The following LUZP2 variants were observed in gnomAD, a reference collection of about 807,000 sequenced individuals.
LUZP2 encodes the protein leucine zipper protein 2.
LUZP2 carries 52 observed loss-of-function variants against 51.6 expected under a neutral mutation model. The ratio of observed to expected loss-of-function variants is 1.01; its 90% CI spans 0.81 to 1.27. LUZP2 has a LOEUF of 1.27. Ranked by LOEUF, LUZP2 falls within the 50% of genes most tolerant of loss-of-function variation. The probability of loss-of-function intolerance (pLI) is 0.00; values close to 1 mark genes in which losing one functional copy is unlikely to be tolerated. For missense variants in LUZP2, 436 were observed against 395.4 expected, an observed-to-expected ratio of 1.10 and a Z score of -0.87; for synonymous variants, 154 against 137.3, an observed-to-expected ratio of 1.12 and a Z score of -0.85.
chr11:24,724,537 C>A (rs1858401991), intron 1 of LUZP2, among the ~76,000 whole-genome samples: 2 of 152,120 alleles, frequency 1.3e-5, no homozygotes, highest in Admixed American at 1.3e-4. Flanking sequence ...TGCCACTGTA[C>A]TCCAGCCTGG....
rs1163708322 is a variant in LUZP2 at position 25,062,587 on chromosome 11, C to CAAAA, written c.858+12480_858+12483dup. ...CCTATGTGACAGAGCAAGACCCTGT[C>CAAAA]AAAAAAAAAAAAAAAAAAAAAAAAA... is the stretch of plus-strand genomic sequence containing the variant. On this transcript the variant is annotated intron_variant, in intron 10 of 11. Transcript: ENST00000336930. 9.8e-4 allele frequency among the ~76,000 whole-genome samples: 42 copies of CAAAA among 43,062 alleles called. 5 individuals carry two copies. The highest frequency in any genetic ancestry group is 0.026 in the Middle Eastern group (1 of 38). The allele number at this position is 43,062 out of a possible 152,430, so 28.3% of individuals were successfully genotyped here.
intron 10 of LUZP2, among the ~76,000 whole-genome samples, chr11:25,061,712 A>AT (rs944964995): frequency 2.0e-5 from 3 of 152,034 alleles, no homozygotes; most frequent in African/African-American, 7.2e-5. Flanking sequence ...AATATTTGAT[A>AT]TTTTTTCTTT....
At chr11:24,557,015 T>C (rs1851888822) in intron 1 of LUZP2, among the ~76,000 whole-genome samples, 1 of 152,168 alleles carries the variant, frequency 6.6e-6, no homozygotes, top group Non-Finnish European at 1.5e-5. Flanking sequence ...TAATTTCCTC[T>C]CTTTCCATGT....
At chr11:24,950,209 G>C (rs995854989) in intron 7 of LUZP2, among the ~76,000 whole-genome samples, 15 of 151,272 alleles carry the variant, frequency 9.9e-5, no homozygotes, top group Non-Finnish European at 2.1e-4. Context: ...CTAGATTGAT[G>C]AATGGTGAGA....
At chr11:24,863,624 G>C (rs1851804180) in intron 5 of LUZP2, among the ~76,000 whole-genome samples, 1 of 152,158 alleles carries the variant, frequency 6.6e-6, no homozygotes, top group Non-Finnish European at 1.5e-5. Flanking sequence ...AATTCTAAAA[G>C]TAAATAATGA....
chr11:24,553,297 C>T (rs1042090945), intron 1 of LUZP2, among the ~76,000 whole-genome samples: 2 of 151,624 alleles, frequency 1.3e-5, no homozygotes, highest in African/African-American at 4.8e-5. Flanking sequence ...CAAATAACAC[C>T]GAATTCCTTT....
intron 5 of LUZP2, among the ~76,000 whole-genome samples, chr11:24,794,813 A>T (rs1037452851): frequency 6.6e-6 from 1 of 152,132 alleles, no homozygotes; most frequent in Non-Finnish European, 1.5e-5. Flanking sequence ...AATAAAAGAT[A>T]TAAGATACCA....
At chr11:24,617,941 GT>G (rs1362576297) in intron 1 of LUZP2, among the ~76,000 whole-genome samples, 2 of 152,168 alleles carry the variant, frequency 1.3e-5, no homozygotes, top group Non-Finnish European at 2.9e-5. Context: ...TAAACCATCT[GT>G]TTTAACTGCC....
chr11:24,949,815 G>A (rs1331810687), intron 7 of LUZP2, among the ~76,000 whole-genome samples: 2 of 151,612 alleles, frequency 1.3e-5, no homozygotes, highest in African/African-American at 4.8e-5. Context: ...GAACACGCAG[G>A]TGATCAGAAC....
intron 8 of LUZP2, among the ~76,000 whole-genome samples, chr11:24,977,708 T>C (rs1273454233): frequency 6.6e-6 from 1 of 151,692 alleles, no homozygotes; most frequent in Non-Finnish European, 1.5e-5. Context: ...TAAATATATG[T>C]ATGTTGCACA....
At chr11:24,816,763 A>G (rs1021472011) in intron 5 of LUZP2, among the ~76,000 whole-genome samples, 2 of 152,078 alleles carry the variant, frequency 1.3e-5, no homozygotes, top group Admixed American at 1.3e-4. Context: ...CCACTGAGGG[A>G]GGTACTATTA....
chr11:24,807,730 A>G (rs2716472), intron 5 of LUZP2, among the ~76,000 whole-genome samples: 149,379 of 152,166 alleles, frequency 0.98, 73,381 homozygotes, highest in Non-Finnish European at 1. Flanking sequence ...CCCAAGTAAG[A>G]GAAAGAACTC....
chr11:24,781,657 A>C (rs2129358), intron 5 of LUZP2, among the ~76,000 whole-genome samples: 1 of 152,060 alleles, frequency 6.6e-6, no homozygotes, highest in Non-Finnish European at 1.5e-5. Flanking sequence ...TGGTAATACT[A>C]GAAATCAAAA....
chr11:25,065,661 C>A (rs76666474), intron 10 of LUZP2, among the ~76,000 whole-genome samples: 1 of 152,022 alleles, frequency 6.6e-6, no homozygotes, highest in East Asian at 1.9e-4. Context: ...GTCACAGTTC[C>A]ATTTCAGGTT....
chr11:24,968,998 A>G (rs1855670607), intron 7 of LUZP2, among the ~76,000 whole-genome samples: 1 of 152,166 alleles, frequency 6.6e-6, no homozygotes, highest in African/African-American at 2.4e-5. Context: ...GATAATTTGA[A>G]TCCTTTTTTT....
rs554521944 is a variant in LUZP2 at position 24,867,587 on chromosome 11, T to G, written c.397-38404T>G. ...CTTTGGCTGGACTGTTTAACTCTCA[T>G]GGAGACTTACACATGCTTTTGTTAT... On this transcript the variant is annotated intron_variant, in intron 5 of 11. Transcript: ENST00000336930. Among the ~76,000 whole-genome samples, 3 of 152,264 alleles carry G rather than the reference T, an allele frequency of 2.0e-5. No homozygotes were observed. The South Asian group carries it at 6.2e-4, about 32-fold the overall frequency.
intron 1 of LUZP2, among the ~76,000 whole-genome samples, chr11:24,649,623 T>C (rs1855564244): frequency 6.6e-6 from 1 of 151,990 alleles, no homozygotes; most frequent in African/African-American, 2.4e-5. Flanking sequence ...CTTTAGGTAA[T>C]TTCCATCAAT....
At chr11:24,741,391 C>A (rs138682591) in intron 4 of LUZP2, among the ~76,000 whole-genome samples, 7 of 151,908 alleles carry the variant, frequency 4.6e-5, no homozygotes, top group South Asian at 2.1e-4. Context: ...CAGACTATTT[C>A]TTTTTTATTT....
At chr11:24,887,748 A>G (rs547941527) in intron 5 of LUZP2, among the ~76,000 whole-genome samples, 1 of 152,340 alleles carries the variant, frequency 6.6e-6, no homozygotes, top group South Asian at 2.1e-4. Context: ...AAGATTTCCC[A>G]TTGTAAAATG....
Sources: gnomAD v4.1 joint callset for allele counts (sites outside exome capture counted in the v4.1 genomes callset) on GRCh38, gnomAD v4.1.1 for gene constraint, MANE v1.5 for transcripts, NCBI Gene and HGNC (gene_info 2026-07-23, HGNC 2026-07-21) for gene names.